EPHA4: variants seen among roughly 807,000 people sequenced by gnomAD.
The protein encoded by EPHA4 is ephrin type-A receptor 4.
In EPHA4, 19 loss-of-function variants were observed where a neutral mutation model predicts 108.3. The observed-to-expected ratio is 0.18, with a 90% CI of 0.12 to 0.26. EPHA4 has a LOEUF of 0.26. EPHA4 is among the 10% of genes least tolerant of loss of function. The pLI, the probability that EPHA4 is intolerant of heterozygous loss-of-function variation, is 1.00. For synonymous variants in EPHA4, 449 were observed against 455.5 expected, an observed-to-expected ratio of 0.99 and a Z score of 0.18; for missense variants, 917 against 1,254.0, an observed-to-expected ratio of 0.73 and a Z score of 4.06.
intron 8 of EPHA4, among the ~76,000 whole-genome samples, chr2:221,448,237 TG>T (rs1690657461): frequency 8.1e-6 from 1 of 123,426 alleles, no homozygotes; most frequent in African/African-American, 3.1e-5. Context: ...GACATGGAGC[TG>T]GGGTGGGGTG....
chr2:221,445,054 G>A (rs913522036), intron 9 of EPHA4, among the ~76,000 whole-genome samples: 4 of 151,966 alleles, frequency 2.6e-5, no homozygotes, highest in African/African-American at 7.2e-5. Context: ...CACTGTGCCC[G>A]GCCAATCTTT....
In EPHA4 at chr2:221,501,146, G is replaced by A. The variant is rs757297693; in HGVS notation, c.850C>T (p.Leu284Phe). ...TTGGCACAGGTGGCATCCGTGGAGA[G>A]AGCCTTGTAATATCCAATTTTGCAA... is the stretch of plus-strand genomic sequence containing the variant. Reference protein sequence around the residue: ...QACKIGYYKALSTDATCAKCP... With the variant: ...QACKIGYYKAFSTDATCAKCP... Residue 284 changes from leucine (L) to phenylalanine (F), a missense_variant, in exon 4 of 18, where the codon CTC becomes TTC. Coordinates refer to ENST00000281821, the MANE Select transcript of EPHA4 (RefSeq NM_004438.5). The A allele has an allele frequency of 6.2e-7, 1 of 1,611,200 alleles. No homozygotes were observed. Among genetic ancestry groups the A allele is most frequent in the Non-Finnish European group, 8.5e-7 (1 of 1,178,860 alleles).
At chr2:221,552,055 C>A (rs1006533198) in intron 3 of EPHA4, among the ~76,000 whole-genome samples, 5 of 152,060 alleles carry the variant, frequency 3.3e-5, no homozygotes, top group Non-Finnish European at 5.9e-5. Flanking sequence ...TTAATTAGTA[C>A]CTTTGCACCC....
At chr2:221,537,842 AAGG>A (rs888366108) in intron 3 of EPHA4, among the ~76,000 whole-genome samples, 1 of 152,308 alleles carries the variant, frequency 6.6e-6, no homozygotes, top group Non-Finnish European at 1.5e-5. Context: ...GATGACGAAG[AAGG>A]AGGAGGAGGA....
chr2:221,488,685 T>C (rs1692048651), intron 4 of EPHA4, among the ~76,000 whole-genome samples: 1 of 152,164 alleles, frequency 6.6e-6, no homozygotes, highest in African/African-American at 2.4e-5. Flanking sequence ...TGATAGTAGA[T>C]ACAAAGGGCT....
intron 3 of EPHA4, among the ~76,000 whole-genome samples, chr2:221,551,614 C>T (rs1694163505): frequency 6.6e-6 from 1 of 152,088 alleles, no homozygotes; most frequent in Non-Finnish European, 1.5e-5. Flanking sequence ...AAAGTTGTAG[C>T]TCCAACATGT....
chr2:221,504,808 G>T (rs1476477955), intron 3 of EPHA4, among the ~76,000 whole-genome samples: 1 of 152,162 alleles, frequency 6.6e-6, no homozygotes, highest in Non-Finnish European at 1.5e-5. Context: ...AAGAAACAGG[G>T]TTTTCAGTAA....
rs202144065 is a variant in EPHA4, at chr2:221,432,126, TG to T, written c.2497-1976del. 1.7e-3 allele frequency among the ~76,000 whole-genome samples: 239 copies of T among 138,156 alleles called. 1 individual carries two copies. Among genetic ancestry groups the T allele is most frequent in the African/African-American group, 6.6e-3 (213 of 32,416 alleles). 90.6% of individuals were successfully genotyped at this position (138,156 alleles called of 152,430 possible). Reference sequence around the variant, plus strand: ...AACAGAATTCTTTATATATATATATTGTTTTTTTATATATATGTGTGTATAT... The same window carrying T: ...AACAGAATTCTTTATATATATATATTTTTTTTTATATATATGTGTGTATAT... On this transcript the variant is annotated intron_variant, in intron 14 of 17. Coordinates refer to ENST00000281821, the MANE Select transcript of EPHA4 (RefSeq NM_004438.5).
intron 5 of EPHA4, among the ~76,000 whole-genome samples, chr2:221,475,656 C>T (rs575505740): frequency 1.4e-4 from 21 of 152,266 alleles, no homozygotes; most frequent in African/African-American, 4.6e-4. Flanking sequence ...GCCATTGTCA[C>T]GTGAAAACAC....
chr2:221,518,514 T>C (rs150132178), intron 3 of EPHA4, among the ~76,000 whole-genome samples: 1 of 152,334 alleles, frequency 6.6e-6, no homozygotes, highest in Admixed American at 6.5e-5. Flanking sequence ...CCTGTAACGA[T>C]GGCTACTCAC....
chr2:221,457,951 G>T lies in EPHA4; in HGVS notation c.1358C>A (p.Thr453Lys). The T allele has an allele frequency of 6.2e-7, 1 of 1,613,778 alleles. No homozygotes were observed. Among genetic ancestry groups the T allele is most frequent in the Non-Finnish European group, 8.5e-7 (1 of 1,179,742 alleles). ...SIALVQAKEV[T>K]RYSVALAWLE... ...CCAAGCCAGTGCCACACTGTATCTT[G>T]TGACTTCTTTAGCCTGGACCAAAGC... Residue 453 changes from threonine (T) to lysine (K), a missense_variant, in exon 6 of 18, where the codon ACA (threonine) becomes AAA (lysine). Transcript: ENST00000281821.
chr2:221,481,879 T>C (rs1691830951), intron 5 of EPHA4, among the ~76,000 whole-genome samples: 1 of 152,198 alleles, frequency 6.6e-6, no homozygotes, highest in Non-Finnish European at 1.5e-5. Context: ...AAATCAATTT[T>C]ATAATTGTAC....
intron 5 of EPHA4, among the ~76,000 whole-genome samples, chr2:221,471,307 C>T: frequency 6.6e-6 from 1 of 152,112 alleles, no homozygotes; most frequent in Non-Finnish European, 1.5e-5. Flanking sequence ...GGGCCTCTCT[C>T]ATGAACTCAA....
intron 3 of EPHA4, among the ~76,000 whole-genome samples, chr2:221,506,027 A>T (rs1336273870): frequency 1.3e-5 from 2 of 152,102 alleles, no homozygotes; most frequent in Non-Finnish European, 2.9e-5. Context: ...AAATTCCAAC[A>T]CTGATTCTAA....
intron 15 of EPHA4, among the ~76,000 whole-genome samples, chr2:221,427,014 A>G (rs903761449): frequency 6.6e-6 from 1 of 152,176 alleles, no homozygotes; most frequent in Admixed American, 6.5e-5. Flanking sequence ...TTCAGCAACT[A>G]TGGAAACCCT....
intron 5 of EPHA4, among the ~76,000 whole-genome samples, chr2:221,473,005 AGTGCTCTGG>A (rs1671802721): frequency 6.6e-6 from 1 of 152,182 alleles, no homozygotes; most frequent in African/African-American, 2.4e-5. Context: ...AGATTCCCAC[AGTGCTCTGG>A]GTGCCAGCCC....
At chr2:221,544,573 G>A (rs948040029) in intron 3 of EPHA4, among the ~76,000 whole-genome samples, 10 of 152,168 alleles carry the variant, frequency 6.6e-5, no homozygotes, top group East Asian at 1.9e-4. Context: ...TGATCCACGC[G>A]TATCGGCCTC....
chr2:221,530,569 G>A (rs1233234222), intron 3 of EPHA4, among the ~76,000 whole-genome samples: 1 of 152,204 alleles, frequency 6.6e-6, no homozygotes, highest in African/African-American at 2.4e-5. Flanking sequence ...AAGAAGTAGG[G>A]GGACTGGGGG....
chr2:221,546,815 CG>C (rs889184699), intron 3 of EPHA4, among the ~76,000 whole-genome samples: 1 of 152,156 alleles, frequency 6.6e-6, no homozygotes, highest in African/African-American at 2.4e-5. Flanking sequence ...GGGCAAACAT[CG>C]TGTTTCATAT....
Sources: gnomAD v4.1 joint callset for allele counts (sites outside exome capture counted in the v4.1 genomes callset) on GRCh38, gnomAD v4.1.1 for gene constraint, MANE v1.5 for transcripts, NCBI Gene and HGNC (gene_info 2026-07-23, HGNC 2026-07-21) for gene names.